DNM3: variants seen among roughly 807,000 people sequenced by gnomAD.
The protein encoded by DNM3 is dynamin 3.
DNM3 carries 47 observed loss-of-function variants against 101.6 expected under a neutral mutation model. The ratio of observed to expected loss-of-function variants is 0.46; its 90% CI spans 0.37 to 0.59. The LOEUF is 0.59. DNM3 is among the 20% of genes least tolerant of loss of function. The pLI is 0.00. For synonymous variants in DNM3, 385 were observed against 387.9 expected (o/e 0.99, Z 0.09); for missense variants, 849 against 1,085.7 (o/e 0.78, Z 3.06).
intron 14 of DNM3, among the ~76,000 whole-genome samples, chr1:172,158,199 C>A (rs1292026693): frequency 6.6e-6 from 1 of 151,866 alleles, no homozygotes; most frequent in Non-Finnish European, 1.5e-5. Flanking sequence ...TGTGCAAAGA[C>A]CCTGAGGCAA....
At chr1:172,257,624 T>G (rs1383944109) in intron 15 of DNM3, among the ~76,000 whole-genome samples, 2 of 152,166 alleles carry the variant, frequency 1.3e-5, no homozygotes, top group Non-Finnish European at 2.9e-5. Context: ...ACATGTGATA[T>G]TCTATTACAC....
chr1:172,212,174 T>C (rs918802696), intron 14 of DNM3, among the ~76,000 whole-genome samples: 2 of 152,246 alleles, frequency 1.3e-5, no homozygotes, highest in East Asian at 3.9e-4. Context: ...TATATTGCAA[T>C]TGCAATCATA....
intron 17 of DNM3, among the ~76,000 whole-genome samples, chr1:172,337,912 TTTTATTTTA>T (rs1400056633): frequency 2.2e-5 from 3 of 136,490 alleles, no homozygotes; most frequent in Non-Finnish European, 3.2e-5. Context: ...TTTTATTTTA[TTTTATTTTA>T]TTTTATTATT....
At chr1:171,942,957 C>G (rs2041918149) in intron 2 of DNM3, among the ~76,000 whole-genome samples, 1 of 151,780 alleles carries the variant, frequency 6.6e-6, no homozygotes, top group Non-Finnish European at 1.5e-5. Flanking sequence ...TACAAACAGT[C>G]AAAAATTAGC....
chr1:172,092,777 A>T, intron 12 of DNM3, 47 bp from the exon 13 acceptor site: 1 of 1,518,652 alleles, frequency 6.6e-7, no homozygotes, highest in African/African-American at 1.4e-5. Flanking sequence ...TGTTTAGGAA[A>T]AAATTATATG....
chr1:172,220,573 C>A (rs748101157), intron 14 of DNM3, among the ~76,000 whole-genome samples: 66 of 152,118 alleles, frequency 4.3e-4, no homozygotes, highest in Non-Finnish European at 6.6e-4. Context: ...TTCTCTTTAT[C>A]TCAGTTCACA....
chr1:172,334,062 G>T (rs2066310365), intron 17 of DNM3, among the ~76,000 whole-genome samples: 1 of 152,156 alleles, frequency 6.6e-6, no homozygotes, highest in Non-Finnish European at 1.5e-5. Context: ...AGAGCCTTAA[G>T]AAAGGATCAG....
chr1:172,191,522 C>T (rs1325112389), intron 14 of DNM3, among the ~76,000 whole-genome samples: 1 of 152,050 alleles, frequency 6.6e-6, no homozygotes, highest in Non-Finnish European at 1.5e-5. Flanking sequence ...TCCATATGAA[C>T]TTGAAAGTAG....
intron 2 of DNM3, among the ~76,000 whole-genome samples, chr1:171,944,528 C>G (rs997793702): frequency 2.6e-5 from 4 of 151,902 alleles, no homozygotes; most frequent in African/African-American, 9.7e-5. Flanking sequence ...CGTGTGCCAT[C>G]ATGCCCAGCT....
chr1:172,077,295 G>T, intron 11 of DNM3, among the ~76,000 whole-genome samples: 1 of 151,664 alleles, frequency 6.6e-6, no homozygotes, highest in African/African-American at 2.4e-5. Context: ...TTTTTGAAGG[G>T]GTTTTCGTGT....
At chr1:172,247,202 G>A (rs942123241) in intron 14 of DNM3, among the ~76,000 whole-genome samples, 2 of 152,152 alleles carry the variant, frequency 1.3e-5, no homozygotes, top group African/African-American at 4.8e-5. Flanking sequence ...TGGTGCGGAT[G>A]TGTCAGAGAA....
chr1:172,292,981 G>A (rs2063993309), intron 15 of DNM3, among the ~76,000 whole-genome samples: 1 of 152,180 alleles, frequency 6.6e-6, no homozygotes, highest in Admixed American at 6.5e-5. Context: ...CATGATAGGT[G>A]GTAATGAGGA....
rs558161777 is a variant in DNM3 at position 172,235,351 on chromosome 1, G to A, written c.1660-18222G>A. Among the ~76,000 whole-genome samples, 11 of 152,272 alleles carry A rather than the reference G, an allele frequency of 7.2e-5. No homozygotes were observed. The East Asian group carries it at 2.1e-3, about 29-fold the overall frequency. On this transcript the variant is annotated intron_variant, in intron 14 of 20. Coordinates refer to ENST00000627582, the MANE Select transcript of DNM3 (RefSeq NM_015569.5). ...TCATTAAAAAGTCAGGAAACAACAGGTGCTGGAGAGGATGTGGAGAAACAG... is the reference window on the plus strand; with the variant it reads ...TCATTAAAAAGTCAGGAAACAACAGATGCTGGAGAGGATGTGGAGAAACAG...
At chr1:171,911,951 C>T (rs181453594) in intron 1 of DNM3, among the ~76,000 whole-genome samples, 5 of 152,126 alleles carry the variant, frequency 3.3e-5, no homozygotes, top group Admixed American at 6.5e-5. Flanking sequence ...CTTTGAGCCT[C>T]TTTGGTACCA....
intron 14 of DNM3, among the ~76,000 whole-genome samples, chr1:172,161,619 A>C (rs2058547990): frequency 6.6e-6 from 1 of 152,062 alleles, no homozygotes; most frequent in Non-Finnish European, 1.5e-5. Context: ...TAAATGATTC[A>C]GGACTGCAAT....
intron 4 of DNM3, among the ~76,000 whole-genome samples, chr1:171,991,419 G>A (rs1418675538): frequency 1.3e-5 from 2 of 151,988 alleles, no homozygotes; most frequent in Non-Finnish European, 2.9e-5. Flanking sequence ...TTGCTAGAGG[G>A]GCTCACAAAA....
intron 14 of DNM3, among the ~76,000 whole-genome samples, chr1:172,215,778 C>T (rs1039772671): frequency 1.1e-4 from 17 of 151,928 alleles, no homozygotes; most frequent in African/African-American, 4.1e-4. Flanking sequence ...AAGGCAGAGC[C>T]AGGTAATTGA....
At chr1:172,177,046 T>C (rs942738136) in intron 14 of DNM3, among the ~76,000 whole-genome samples, 2 of 152,000 alleles carry the variant, frequency 1.3e-5, no homozygotes, top group African/African-American at 4.8e-5. Flanking sequence ...CTGAAGGTGC[T>C]TAACGCAAAG....
chr1:172,038,378 G>A lies in DNM3; in HGVS notation c.909G>A (p.Gln303=), dbSNP rs1342958443. Residue 303 remains glutamine (Q), a synonymous_variant, in exon 7 of 21, where the codon CAG becomes CAA. Transcript: ENST00000627582. ...LPNFRNKLQG[Q]LLSIEHEVEA... is the part of the protein sequence containing the mutation. ...ACTTCAGGAACAAACTACAGGGACA[G>A]TTGCTCTCCATAGAACATGAAGTAG... is the stretch of plus-strand genomic sequence containing the variant. The A allele has an allele frequency of 4.2e-5, 68 of 1,613,486 alleles. 1 individual carries two copies. The East Asian group carries it at 1.5e-3, about 36-fold the overall frequency.
Sources: allele counts gnomAD v4.1 joint callset (sites outside exome capture counted in the v4.1 genomes callset), GRCh38; gene constraint gnomAD v4.1.1; transcripts MANE v1.5; gene names NCBI Gene and HGNC (gene_info 2026-07-23, HGNC 2026-07-21).